PLCH1: variants seen among roughly 807,000 people sequenced by gnomAD.
The protein encoded by PLCH1 is phospholipase C eta 1.
In PLCH1, 60 loss-of-function variants were observed where a neutral mutation model predicts 126.7. The observed-to-expected ratio is 0.47, with a 90% CI of 0.38 to 0.59. PLCH1 has a LOEUF of 0.59. PLCH1 is among the 20% of genes least tolerant of loss of function. PLCH1 has a pLI of 0.00. For missense variants in PLCH1, 1,723 were observed against 2,040.0 expected (o/e 0.84, Z 2.99); for synonymous variants, 719 against 734.9 (o/e 0.98, Z 0.35).
At chr3:155,514,635 G>T in intron 12 of PLCH1, 88 bp downstream of exon 12, 2 of 817,970 alleles carry the variant, frequency 2.4e-6, no homozygotes, top group Non-Finnish European at 1.8e-6. Flanking sequence ...AGAAGAAGTT[G>T]GAGGAGCATT....
chr3:155,675,742 A>T (rs565699225), intron 2 of PLCH1, among the ~76,000 whole-genome samples: 1 of 152,308 alleles, frequency 6.6e-6, no homozygotes, highest in South Asian at 2.1e-4. Flanking sequence ...CTCACTGACC[A>T]TTTTAATATA....
intron 22 of PLCH1, chr3:155,483,505 AAAG>A: frequency 4.3e-6 from 2 of 465,866 alleles, no homozygotes; most frequent in East Asian, 3.5e-5. Flanking sequence ...AAAAAGAAGA[AAAG>A]AAGAAAAACA....
At chr3:155,616,085 A>G (rs9828161) in intron 2 of PLCH1, among the ~76,000 whole-genome samples, 73,794 of 151,890 alleles carry the variant, frequency 0.49, 20,317 homozygotes, top group African/African-American at 0.74. Flanking sequence ...AGTTAGCCAT[A>G]TCCCCTAGCT....
intron 6 of PLCH1, among the ~76,000 whole-genome samples, chr3:155,574,667 T>C (rs1374407632): frequency 6.6e-6 from 1 of 152,198 alleles, no homozygotes; most frequent in African/African-American, 2.4e-5. Flanking sequence ...ACTATTAACC[T>C]CCTCAAACTA....
Position 155,492,776 on chromosome 3 carries a change from G to C in PLCH1, c.2260C>G (p.Gln754Glu), listed in dbSNP as rs778849782. ...KQLILKVISGQQLPKPPDSMF... is the reference protein window; with the variant it reads ...KQLILKVISGEQLPKPPDSMF... ...GAGTCTGGAGGTTTGGGGAGTTGCT[G>C]TCCACTGATAACTTTCAGGATGAGC... Residue 754 changes from glutamine (Q) to glutamate (E), a missense_variant, in exon 18 of 23, where the codon CAG (glutamine) becomes GAG (glutamate). Transcript: ENST00000460012. The C allele has an allele frequency of 6.2e-7, 1 of 1,606,750 alleles. No homozygotes were observed. Among genetic ancestry groups the C allele is most frequent in the Non-Finnish European group, 8.5e-7 (1 of 1,176,974 alleles).
chr3:155,504,320 A>G (rs997632924), intron 13 of PLCH1, among the ~76,000 whole-genome samples: 3 of 147,504 alleles, frequency 2.0e-5, no homozygotes, highest in African/African-American at 5.4e-5. Flanking sequence ...TTTTGGATAT[A>G]TTATTGGATA....
intron 2 of PLCH1, among the ~76,000 whole-genome samples, chr3:155,680,169 G>A (rs573388225): frequency 3.3e-5 from 5 of 152,316 alleles, no homozygotes; most frequent in African/African-American, 1.2e-4. Context: ...CAGATCACAA[G>A]GTCAGGAGTT....
chr3:155,733,929 GTATACATATATATATATATATATATATA>G (rs1212975689), intron 1 of PLCH1, among the ~76,000 whole-genome samples: 3 of 61,940 alleles, frequency 4.8e-5, no homozygotes, highest in African/African-American at 1.7e-4. Flanking sequence ...TGGCCAACAG[GTATACATATATATATATATATATATATA>G]TATATATATA....
Position 155,485,561 on chromosome 3 carries a change from C to T in PLCH1, c.2769G>A (p.Lys923=). 2 of 1,614,190 alleles carry T rather than the reference C, an allele frequency of 1.2e-6. No homozygotes were observed. Among genetic ancestry groups the T allele is most frequent in the Non-Finnish European group, 1.7e-6 (2 of 1,180,030 alleles). Residue 923 remains lysine, a synonymous_variant, in exon 22 of 23, where the codon AAG becomes AAA. Transcript: ENST00000460012. The stretch of plus-strand genomic sequence containing the variant: ...CCATTTCTTGGAAGCCCATTTTGCT[C>T]TTTTTCCTGCCTTTGGCTGGGGCGC... The part of the protein sequence containing the change: ...TASAPAKGRK[K]SKMGFQEMVE...
chr3:155,577,580 TTTTTTTATAATTTTATAGATTTC>T (rs1421092127), intron 6 of PLCH1, among the ~76,000 whole-genome samples: 1 of 152,188 alleles, frequency 6.6e-6, no homozygotes, highest in Non-Finnish European at 1.5e-5. Context: ...GTATGATCAC[TTTTTTTATAATTTTATAGATTTC>T]TTTTGAGTCA....
intron 2 of PLCH1, among the ~76,000 whole-genome samples, chr3:155,602,348 T>A (rs187372936): frequency 2.6e-4 from 39 of 152,112 alleles, no homozygotes; most frequent in African/African-American, 9.2e-4. Context: ...CTGTTACCTA[T>A]AAGAATGACA....
chr3:155,673,458 G>GCTCT (rs1158138067), intron 2 of PLCH1, among the ~76,000 whole-genome samples: 2 of 151,978 alleles, frequency 1.3e-5, no homozygotes, highest in Admixed American at 6.6e-5. Flanking sequence ...TCCACAAGAA[G>GCTCT]CTCTCCATTT....
chr3:155,559,619 G>T (rs1053535545), intron 8 of PLCH1, among the ~76,000 whole-genome samples: 1 of 152,144 alleles, frequency 6.6e-6, no homozygotes, highest in African/African-American at 2.4e-5. Context: ...ACTAGGGAAA[G>T]AATTTACTGA....
chr3:155,616,999 C>T (rs891690155), intron 2 of PLCH1, among the ~76,000 whole-genome samples: 1 of 151,952 alleles, frequency 6.6e-6, no homozygotes, highest in African/African-American at 2.4e-5. Flanking sequence ...ATTTAAATCA[C>T]ATGGAAAACA....
chr3:155,451,182 AG>A (rs1712300566), intron 21 of PLCH1, among the ~76,000 whole-genome samples: 1 of 152,168 alleles, frequency 6.6e-6, no homozygotes, highest in Admixed American at 6.5e-5. Flanking sequence ...TAAATATAGA[AG>A]AAATAACAGA....
intron 6 of PLCH1, among the ~76,000 whole-genome samples, chr3:155,569,031 A>G (rs1248432434): frequency 1.3e-5 from 2 of 152,170 alleles, no homozygotes; most frequent in Non-Finnish European, 2.9e-5. Flanking sequence ...TGATATTTGC[A>G]AAAACATTGT....
At chr3:155,546,712 C>T (rs1467074866) in intron 10 of PLCH1, among the ~76,000 whole-genome samples, 1 of 149,594 alleles carries the variant, frequency 6.7e-6, no homozygotes, top group African/African-American at 2.4e-5. Context: ...TGGAACAGAA[C>T]AGAGCCCTCA....
intron 9 of PLCH1, among the ~76,000 whole-genome samples, 162 bp downstream of exon 9, chr3:155,553,914 T>A (rs1254660869): frequency 6.6e-6 from 1 of 152,172 alleles, no homozygotes; most frequent in Non-Finnish European, 1.5e-5. Flanking sequence ...AAGGCCACAT[T>A]ATTTGTTCAC....
intron 14 of PLCH1, among the ~76,000 whole-genome samples, chr3:155,498,156 A>T (rs1281405528): frequency 6.6e-6 from 1 of 152,160 alleles, no homozygotes; most frequent in East Asian, 1.9e-4. Context: ...TTCTTATGTG[A>T]CTGACTGTGG....
Sources: gnomAD v4.1 joint callset for allele counts (sites outside exome capture counted in the v4.1 genomes callset) on GRCh38, gnomAD v4.1.1 for gene constraint, MANE v1.5 for transcripts, NCBI Gene and HGNC (gene_info 2026-07-23, HGNC 2026-07-21) for gene names.